CPNE5: variants seen among roughly 807,000 people sequenced by gnomAD.
CPNE5 encodes copine-5.
Under a neutral mutation model 81.1 loss-of-function variants are expected in CPNE5, and 42 were observed. That is an observed-to-expected ratio of 0.52 (90% CI 0.40 to 0.67). CPNE5 has a LOEUF of 0.67. Among genes scored for constraint, CPNE5 ranks in the 30% least tolerant of loss-of-function variants. The probability of loss-of-function intolerance (pLI) is 0.00; values close to 1 mark genes in which losing one functional copy is unlikely to be tolerated. For synonymous variants in CPNE5, 313 were observed against 321.5 expected (o/e 0.97, Z 0.28); for missense variants, 612 against 815.5 (o/e 0.75, Z 3.04).
At chr6:36,802,838 TG>T (rs1311428286) in intron 3 of CPNE5, among the ~76,000 whole-genome samples, 1 of 151,782 alleles carries the variant, frequency 6.6e-6, no homozygotes, top group Non-Finnish European at 1.5e-5. Flanking sequence ...TCACTTGAGG[TG>T]AGGAGTTTGA....
At chr6:36,780,883 T>C (rs954692112) in intron 8 of CPNE5, among the ~76,000 whole-genome samples, 5 of 152,202 alleles carry the variant, frequency 3.3e-5, no homozygotes, top group Admixed American at 3.3e-4. Flanking sequence ...AGCTGGAGGT[T>C]GGAGAAGTTA....
intron 6 of CPNE5, among the ~76,000 whole-genome samples, chr6:36,796,193 C>T (rs1483902632): frequency 1.2e-4 from 18 of 152,248 alleles, no homozygotes; most frequent in Admixed American, 1.2e-3. Flanking sequence ...AGGTGATCCA[C>T]CCGCCTCGGC....
chr6:36,830,989 G>A (rs936243859), intron 1 of CPNE5, among the ~76,000 whole-genome samples: 9 of 152,090 alleles, frequency 5.9e-5, no homozygotes, highest in African/African-American at 2.2e-4. Flanking sequence ...TTCCATGCCT[G>A]CCTCTCTCTA....
intron 20 of CPNE5, chr6:36,743,273 A>G (rs7763347): frequency 0.52 from 511,537 of 979,348 alleles, 134,807 homozygotes; most frequent in African/African-American, 0.61. Context: ...TTATATTTGC[A>G]CCGTTCATGG....
intron 1 of CPNE5, among the ~76,000 whole-genome samples, chr6:36,836,200 G>T (rs1773487437): frequency 6.6e-6 from 1 of 152,222 alleles, no homozygotes; most frequent in Admixed American, 6.5e-5. Flanking sequence ...TGAAGCAGGG[G>T]CCTGAAACTG....
At chr6:36,822,406 G>A (rs1276112345) in intron 2 of CPNE5, among the ~76,000 whole-genome samples, 3 of 152,094 alleles carry the variant, frequency 2.0e-5, no homozygotes, top group Non-Finnish European at 4.4e-5. Context: ...GCACCGATTC[G>A]GAGGGGTTGC....
At chr6:36,756,108 A>AC in intron 13 of CPNE5, 137 bp downstream of exon 13, 16 of 270,702 alleles carry the variant, frequency 5.9e-5, no homozygotes, top group East Asian at 1.3e-4. Flanking sequence ...ACCCCTCCCC[A>AC]CCCCATCTCT....
chr6:36,787,785 A>G (rs1236216212), intron 8 of CPNE5, among the ~76,000 whole-genome samples: 1 of 152,168 alleles, frequency 6.6e-6, no homozygotes, highest in Non-Finnish European at 1.5e-5. Context: ...GAGAGAGATG[A>G]GGCACACCCT....
At chr6:36,818,457 T>C (rs533244403) in intron 3 of CPNE5, among the ~76,000 whole-genome samples, 15 of 152,210 alleles carry the variant, frequency 9.9e-5, no homozygotes, top group Non-Finnish European at 1.5e-4. Flanking sequence ...TCATAAATGC[T>C]TCCTGTTGCA....
At chr6:36,784,103 G>C (rs1363353273) in intron 8 of CPNE5, among the ~76,000 whole-genome samples, 2 of 152,202 alleles carry the variant, frequency 1.3e-5, no homozygotes, top group Admixed American at 6.5e-5. Flanking sequence ...CAGCTAACTG[G>C]AAAAATCCGC....
At chr6:36,781,064 C>T (rs993990207) in intron 8 of CPNE5, among the ~76,000 whole-genome samples, 2 of 152,228 alleles carry the variant, frequency 1.3e-5, no homozygotes, top group Non-Finnish European at 1.5e-5. Context: ...TTTCTTCAGA[C>T]TCTGGGCTTG....
chr6:36,789,212 C>A (rs1046217494), intron 8 of CPNE5, among the ~76,000 whole-genome samples: 2 of 152,196 alleles, frequency 1.3e-5, no homozygotes, highest in African/African-American at 4.8e-5. Flanking sequence ...GCGCTCCCTG[C>A]CCCCGACATA....
chr6:36,772,302 C>A (rs1391252873), intron 10 of CPNE5, among the ~76,000 whole-genome samples: 1 of 152,160 alleles, frequency 6.6e-6, no homozygotes, highest in African/African-American at 2.4e-5. Flanking sequence ...CCCTGACTTT[C>A]CAGCCTTTCC....
intron 10 of CPNE5, among the ~76,000 whole-genome samples, chr6:36,768,225 C>CTTTTTTTCTTTTTTTTTT (rs527797208): frequency 0.15 from 8,925 of 60,590 alleles, 2,629 homozygotes; most frequent in Non-Finnish European, 0.18. Flanking sequence ...ATTCACAGTT[C>CTTTTTTTCTTTTTTTTTT]TTTTTTTTTT....
At chr6:36,828,276 G>A (rs2150605793) in intron 1 of CPNE5, among the ~76,000 whole-genome samples, 1 of 128,412 alleles carries the variant, frequency 7.8e-6, no homozygotes, top group East Asian at 2.4e-4. Context: ...GCAACACAGT[G>A]AGATTCCATC....
At chr6:36,808,488 A>C (rs1404476521) in intron 3 of CPNE5, among the ~76,000 whole-genome samples, 1 of 152,114 alleles carries the variant, frequency 6.6e-6, no homozygotes, top group Non-Finnish European at 1.5e-5. Flanking sequence ...ATCTCCCGGC[A>C]CGTGAGTCAA....
chr6:36,745,610 CT>C lies in CPNE5; in HGVS notation c.1201-96del, dbSNP rs1764068272. ...AGTCCAGGTGGGGAGGCCAGCAGGC[CT>C]GGGCTCCCCCAGGTCTTCTCTGGTG... On this transcript the variant is annotated intron_variant, in intron 16 of 20. Coordinates refer to ENST00000244751, the MANE Select transcript of CPNE5 (RefSeq NM_020939.2). The C allele has an allele frequency of 9.4e-6, 13 of 1,385,106 alleles. No individual in the cohort carries two copies. In the Middle Eastern group the frequency reaches 1.7e-3, roughly 183 times the overall value. The allele number at this position is 1,385,106 out of a possible 1,614,324, so 85.8% of individuals were successfully genotyped here.
Position 36,745,019 on chromosome 6 carries a change from G to A in CPNE5, c.1431+29C>T, listed in dbSNP as rs371923970. ...CGGGGAGGAAGACACTCCTCAAACCGCCTCCCCCACCGCACACTCCTTGCT... is the reference window on the plus strand; with the variant it reads ...CGGGGAGGAAGACACTCCTCAAACCACCTCCCCCACCGCACACTCCTTGCT... On this transcript the variant is annotated intron_variant, in intron 18 of 20. Transcript: ENST00000244751. The A allele has an allele frequency of 2.8e-5, 42 of 1,516,810 alleles. No homozygotes were observed. The Admixed American group carries it at 3.0e-4, about 11-fold the overall frequency. The allele number at this position is 1,516,810 out of a possible 1,614,324, so 94.0% of individuals were successfully genotyped here.
At chr6:36,798,402 G>A (rs1769787598) in intron 5 of CPNE5, 53 bp downstream of exon 5, 1 of 1,589,268 alleles carries the variant, frequency 6.3e-7, no homozygotes, top group African/African-American at 1.3e-5. Context: ...CTCACCCAGA[G>A]GATGGCATTT....
Sources: allele counts gnomAD v4.1 joint callset (sites outside exome capture counted in the v4.1 genomes callset), GRCh38; gene constraint gnomAD v4.1.1; transcripts MANE v1.5; gene names NCBI Gene and HGNC (gene_info 2026-07-23, HGNC 2026-07-21).